GRB10: variants seen among roughly 807,000 people sequenced by gnomAD.
The protein encoded by GRB10 is growth factor receptor bound protein 10.
In GRB10, 20 loss-of-function variants were observed where a neutral mutation model predicts 80.9. The observed-to-expected ratio is 0.25, with a 90% confidence interval of 0.17 to 0.36. GRB10 has a LOEUF of 0.36. Among genes scored for constraint, GRB10 ranks in the 10% least tolerant of loss-of-function variants. The pLI is 1.00. For missense variants in GRB10, 548 were observed against 747.7 expected, an observed-to-expected ratio of 0.73 and a Z score of 3.12; for synonymous variants, 291 against 291.5, an observed-to-expected ratio of 1.00 and a Z score of 0.02.
chr7:50,787,414 T>C (rs1319057811), upstream of GRB10, among the ~76,000 whole-genome samples: 1 of 152,246 alleles, frequency 6.6e-6, no homozygotes, highest in East Asian at 1.9e-4. Flanking sequence ...TATGTCTACA[T>C]ATCACTCTGA....
chr7:50,669,414 C>T (rs75202266), intron 7 of GRB10, among the ~76,000 whole-genome samples: 5,138 of 152,164 alleles, frequency 0.034, 178 homozygotes, highest in East Asian at 0.17. Flanking sequence ...AACCAGATCT[C>T]GTGAGAACTT....
At chr7:50,729,591 C>A (rs1310526323) in intron 4 of GRB10, among the ~76,000 whole-genome samples, 1 of 152,178 alleles carries the variant, frequency 6.6e-6, no homozygotes, top group Non-Finnish European at 1.5e-5. Context: ...CCCCATCCCA[C>A]TTCCCAGGCA....
chr7:50,641,276 A>AAAG (rs377198528), intron 7 of GRB10, among the ~76,000 whole-genome samples: 3 of 148,140 alleles, frequency 2.0e-5, no homozygotes, highest in African/African-American at 7.7e-5. Context: ...TCATCAAAAA[A>AAAG]GGTGGGGGGG....
intron 5 of GRB10, among the ~76,000 whole-genome samples, chr7:50,678,325 T>C (rs1397962486): frequency 6.6e-6 from 1 of 152,258 alleles, no homozygotes; most frequent in Non-Finnish European, 1.5e-5. Context: ...CATTCAATCA[T>C]GAATATTTTC....
chr7:50,751,905 GT>G (rs770198393), intron 3 of GRB10, among the ~76,000 whole-genome samples: 16 of 152,118 alleles, frequency 1.1e-4, no homozygotes, highest in Non-Finnish European at 1.5e-4. Flanking sequence ...ACAGAGTTAG[GT>G]TTCTATGAGC....
intron 3 of GRB10, among the ~76,000 whole-genome samples, chr7:50,748,841 T>C (rs1209296287): frequency 6.6e-6 from 1 of 152,198 alleles, no homozygotes; most frequent in Non-Finnish European, 1.5e-5. Flanking sequence ...GAGACCCACG[T>C]GTGCAAAATG....
chr7:50,654,834 A>G (rs553292168), intron 7 of GRB10, among the ~76,000 whole-genome samples: 1 of 152,310 alleles, frequency 6.6e-6, no homozygotes, highest in Non-Finnish European at 1.5e-5. Context: ...ATTTCCTACA[A>G]ACAAGAACAC....
Position 50,782,665 on chromosome 7 carries a change from A to C in GRB10, c.-568T>G, listed in dbSNP as rs1408715011. The C allele has an allele frequency of 2.0e-5, 3 of 151,708 alleles. No individual in the cohort carries two copies. Among genetic ancestry groups the C allele is most frequent in the African/African-American group, 7.3e-5 (3 of 41,364 alleles). The allele number at this position is 151,708 out of a possible 1,614,324, so 9.4% of individuals were successfully genotyped here. ...CGCCAGGCGAACGCGCTAGCACGAA[A>C]AGCGGGCCAACGCCGCCTCTGGGGA... On this transcript the variant is annotated 5_prime_UTR_variant, in exon 1 of 19. Transcript: ENST00000401949. This position sits in a 1 kb window ranked among gnomAD's most constrained non-coding sequence, Gnocchi z 6.6.
intron 7 of GRB10, among the ~76,000 whole-genome samples, chr7:50,662,183 TC>T (rs1417314106): frequency 6.6e-6 from 1 of 152,142 alleles, no homozygotes; most frequent in East Asian, 1.9e-4. Context: ...CCCCTGGCAG[TC>T]CCAGGCTGGT....
At chr7:50,737,498 CTTCT>C (rs1395970104) in intron 3 of GRB10, among the ~76,000 whole-genome samples, 1 of 152,224 alleles carries the variant, frequency 6.6e-6, no homozygotes, top group African/African-American at 2.4e-5. Context: ...TTAAACCTCT[CTTCT>C]TTATCTCTTC....
chr7:50,635,141 T>C (rs1292903321), intron 7 of GRB10, among the ~76,000 whole-genome samples: 1 of 152,184 alleles, frequency 6.6e-6, no homozygotes, highest in Non-Finnish European at 1.5e-5. Context: ...ATAAAGCACA[T>C]TTCAATAAAT....
intron 7 of GRB10, among the ~76,000 whole-genome samples, chr7:50,666,068 T>C (rs1464280784): frequency 6.6e-6 from 1 of 152,206 alleles, no homozygotes; most frequent in African/African-American, 2.4e-5. Flanking sequence ...TGCTGCATGC[T>C]CTGGGATCCC....
intron 7 of GRB10, among the ~76,000 whole-genome samples, chr7:50,667,697 C>G (rs1292424326): frequency 1.3e-5 from 2 of 152,012 alleles, no homozygotes; most frequent in Non-Finnish European, 2.9e-5. Context: ...CAAGGACTTT[C>G]TACAAGTAGT....
At chr7:50,748,512 G>T (rs1408714172) in intron 3 of GRB10, among the ~76,000 whole-genome samples, 1 of 152,246 alleles carries the variant, frequency 6.6e-6, no homozygotes, top group African/African-American at 2.4e-5. Flanking sequence ...CTGGGAGAAT[G>T]CGGAGAAAAT....
At chr7:50,709,259 G>GT (rs1331734981) in intron 4 of GRB10, among the ~76,000 whole-genome samples, 2 of 152,168 alleles carry the variant, frequency 1.3e-5, no homozygotes, top group Admixed American at 6.5e-5. Flanking sequence ...GCCATCTCCT[G>GT]TAACAGAGCC....
At chr7:50,713,632 A>T (rs1587335215) in intron 4 of GRB10, among the ~76,000 whole-genome samples, 7 of 77,896 alleles carry the variant, frequency 9.0e-5, no homozygotes, top group South Asian at 4.5e-4. Context: ...CTCCACCATC[A>T]CCTCCACCTC....
intron 12 of GRB10, among the ~76,000 whole-genome samples, chr7:50,614,091 C>T (rs1419717608): frequency 1.3e-5 from 2 of 152,224 alleles, no homozygotes; most frequent in Admixed American, 6.5e-5. Flanking sequence ...ATTAATACCA[C>T]CACAACCTCA....
chr7:50,730,397 A>G (rs947095872), intron 4 of GRB10, among the ~76,000 whole-genome samples: 1 of 152,098 alleles, frequency 6.6e-6, no homozygotes, highest in Admixed American at 6.6e-5. Context: ...TCTCTATAAA[A>G]CTCTGGAGAT....
Position 50,614,807 on chromosome 7 carries a change from T to A in GRB10, c.1058A>T (p.Gln353Leu). The A allele has an allele frequency of 6.2e-7, 1 of 1,614,072 alleles. No individual in the cohort carries two copies. ...NIFSLIAGRK[Q>L]YNAPTDHGLC... ...CCCGTGGTCTGTAGGGGCGTTGTAC[T>A]GCTTCCTGCCAGCGATCAGGGAGAA... Residue 353 changes from glutamine to leucine, a missense_variant, in exon 12 of 19, where the codon CAG becomes CTG. By Grantham distance (113) the Gln-to-Leu change is moderately radical. Around this residue, in one of 4 missense-constraint regions of GRB10, gnomAD observed 270 missense variants for 433.6 expected, o/e 0.62. Transcript: ENST00000401949.
Sources: gnomAD v4.1 joint callset for allele counts (sites outside exome capture counted in the v4.1 genomes callset) on GRCh38, gnomAD v4.1.1 for gene constraint, gnomAD v4.1.1 regional missense constraint, Gnocchi (gnomAD v3.1) non-coding constraint, MANE v1.5 for transcripts, NCBI Gene and HGNC (gene_info 2026-07-23, HGNC 2026-07-21) for gene names.